The following WBP2NL variants were observed in gnomAD, a reference collection of about 807,000 sequenced individuals.
WBP2NL encodes postacrosomal sheath WW domain-binding protein.
A neutral mutation model predicts 23.3 loss-of-function variants in WBP2NL; 27 were observed. The ratio of observed to expected loss-of-function variants is 1.16; its 90% CI spans 0.85 to 1.60. The LOEUF is 1.60. Ranked by LOEUF, WBP2NL falls within the 40% of genes most tolerant of loss-of-function variation. The probability of loss-of-function intolerance (pLI) is 0.00; values close to 1 mark genes in which losing one functional copy is unlikely to be tolerated. For missense variants in WBP2NL, 370 were observed against 389.5 expected, an observed-to-expected ratio of 0.95 and a Z score of 0.42; for synonymous variants, 151 against 145.9, an observed-to-expected ratio of 1.03 and a Z score of -0.25.
intron 2 of WBP2NL, 99 bp from the exon 3 acceptor site, chr22:42,019,560 AGAT>A: frequency 6.5e-7 from 1 of 1,547,560 alleles, no homozygotes. Flanking sequence ...GTGGAAGAAA[AGAT>A]GATGTTTCTC....
In WBP2NL at chr22:42,049,695, C is replaced by CAAAAAAAAAA. The variant is rs1569455101; in HGVS notation, c.*274-8591_*274-8590insAAAAAAAAAA. Among the ~76,000 whole-genome samples the CAAAAAAAAAA allele has an allele frequency of 2.6e-4, 6 of 22,874 alleles. 1 individual carries two copies. The highest frequency in any genetic ancestry group is 1.1e-3 in the African/African-American group (5 of 4,556). 15.0% of individuals were successfully genotyped at this position (22,874 alleles called of 152,430 possible). The stretch of plus-strand genomic sequence containing the variant: ...ACAGAGCGAGACTCCGTCTCCAAAA[C>CAAAAAAAAAA]AAAACAAAACAAAAAAAAAAAAAAA... On this transcript the variant is annotated intron_variant and NMD_transcript_variant, in intron 8 of 8. Transcript: ENST00000436265.
chr22:42,021,689 G>T (rs1259105449), intron 4 of WBP2NL, among the ~76,000 whole-genome samples: 1 of 152,040 alleles, frequency 6.6e-6, no homozygotes, highest in African/African-American at 2.4e-5. Context: ...ATGATTAGGT[G>T]CTATGCTAGG....
intron 8 of WBP2NL, among the ~76,000 whole-genome samples, chr22:42,051,612 A>G (rs1268613792): frequency 6.6e-6 from 1 of 152,202 alleles, no homozygotes; most frequent in African/African-American, 2.4e-5. Context: ...GAGAGGGTAT[A>G]TGGGAACTCT....
intron 1 of WBP2NL, among the ~76,000 whole-genome samples, chr22:42,000,865 G>A (rs546305131): frequency 1.3e-5 from 2 of 152,066 alleles, no homozygotes; most frequent in African/African-American, 2.4e-5. Flanking sequence ...AACCCAAAAG[G>A]TGAATCACCC....
chr22:42,020,018 C>G lies in WBP2NL; in HGVS notation c.328C>G (p.Gln110Glu), dbSNP rs1490063237. 9 of 1,613,962 alleles carry G rather than the reference C, an allele frequency of 5.6e-6. No individual in the cohort carries two copies. Among genetic ancestry groups the G allele is most frequent in the South Asian group, 1.1e-5 (1 of 90,990 alleles). Residue 110 changes from glutamine (Q) to glutamate (E), a missense_variant, in exon 4 of 6, where the codon CAA becomes GAA. By Grantham distance (29) the Gln-to-Glu change is conservative (BLOSUM62 2). Transcript: ENST00000328823. Reference sequence around the variant, plus strand: ...TCTTCCCCCAGGTGGCTGGGAAGGACAAGCTACTTTTAAATTAGTCTTCAG... The same window carrying G: ...TCTTCCCCCAGGTGGCTGGGAAGGAGAAGCTACTTTTAAATTAGTCTTCAG... ...QAAPYGGWEGQATFKLVFRNG... is the reference protein window; with the variant it reads ...QAAPYGGWEGEATFKLVFRNG...
chr22:42,032,542 G>C, downstream of WBP2NL: 1 of 256,776 alleles, frequency 3.9e-6, no homozygotes, highest in South Asian at 4.4e-5. Context: ...CTAGCACTTG[G>C]TTGCTTGCTT....
chr22:42,057,568 TGAA>T (rs1926089423), intron 8 of WBP2NL, among the ~76,000 whole-genome samples: 1 of 151,468 alleles, frequency 6.6e-6, no homozygotes, highest in Non-Finnish European at 1.5e-5. Context: ...TTTTTTCAGT[TGAA>T]GTTTTCTGGG....
At chr22:42,015,846 T>G (rs998995699) in intron 1 of WBP2NL, among the ~76,000 whole-genome samples, 12 of 152,232 alleles carry the variant, frequency 7.9e-5, no homozygotes, top group Non-Finnish European at 2.9e-5. Context: ...CTCAGGAATA[T>G]GTGTGAGCTT....
chr22:42,056,635 C>A (rs1926042048), intron 8 of WBP2NL, among the ~76,000 whole-genome samples: 1 of 152,070 alleles, frequency 6.6e-6, no homozygotes, highest in Non-Finnish European at 1.5e-5. Context: ...GATAGTTTGG[C>A]CAAATAACAA....
chr22:42,013,881 C>T (rs113916342), intron 1 of WBP2NL, among the ~76,000 whole-genome samples: 18 of 151,812 alleles, frequency 1.2e-4, no homozygotes, highest in African/African-American at 3.9e-4. Flanking sequence ...CCTGGGTTCA[C>T]GCAATTCTCC....
At chr22:41,999,439 T>C (rs954602342) in intron 1 of WBP2NL, among the ~76,000 whole-genome samples, 5 of 152,192 alleles carry the variant, frequency 3.3e-5, no homozygotes, top group African/African-American at 1.2e-4. Context: ...TCTAAAGCCA[T>C]GTTTCCTCCT....
chr22:42,014,260 C>T (rs1213443058), intron 1 of WBP2NL, among the ~76,000 whole-genome samples: 1 of 152,038 alleles, frequency 6.6e-6, no homozygotes, highest in Non-Finnish European at 1.5e-5. Context: ...GGGTCTCCCT[C>T]TGTCACCCAG....
chr22:42,027,844 A>ATAAC lies in WBP2NL; in HGVS notation c.*666_*669dup. 2.5e-6 allele frequency: 1 copy of ATAAC among 397,704 alleles called. No homozygotes were observed. Among genetic ancestry groups the ATAAC allele is most frequent in the Non-Finnish European group, 4.4e-6 (1 of 225,852 alleles). The allele number at this position is 397,704 out of a possible 1,614,324, so 24.6% of individuals were successfully genotyped here. On this transcript the variant is annotated 3_prime_UTR_variant, in exon 6 of 6. Transcript: ENST00000328823. ...ATTAATTTATAGTCAGAATACGTGA[A>ATAAC]TAACTACAAATCAATTCTCCCCAAA...
At chr22:42,043,206 C>A (rs1480333244) in intron 8 of WBP2NL, among the ~76,000 whole-genome samples, 1 of 152,022 alleles carries the variant, frequency 6.6e-6, no homozygotes, top group South Asian at 2.1e-4. Flanking sequence ...GTTCATGGAG[C>A]AGTACAGTGT....
At chr22:42,029,081 C>T (rs17002810), downstream of WBP2NL, among the ~76,000 whole-genome samples, 11,284 of 152,220 alleles carry the variant, frequency 0.074, 1,443 homozygotes, top group African/African-American at 0.26. Flanking sequence ...TCTGGCAAGG[C>T]AGGCAAAGTT....
chr22:42,054,195 A>ATTT (rs1367640306), intron 8 of WBP2NL, among the ~76,000 whole-genome samples: 3 of 150,148 alleles, frequency 2.0e-5, no homozygotes, highest in Non-Finnish European at 4.5e-5. Flanking sequence ...TAAAAAAAAA[A>ATTT]TTTTTTTTTT....
Position 42,026,936 on chromosome 22 carries a change from G to C in WBP2NL, c.685G>C (p.Ala229Pro), listed in dbSNP as rs1203408858. ...ACCTCTTGGATACGGAGCCCCACCTGCAGGATATGGAGCCCCACCTCTAGG... is the reference window on the plus strand; with the variant it reads ...ACCTCTTGGATACGGAGCCCCACCTCCAGGATATGGAGCCCCACCTCTAGG... ...APPLGYGAPP[A>P]GYGAPPLGYG... The change falls in exon 6 of 6, where the codon GCA becomes CCA. Residue 229 changes from alanine (A) to proline (P), a missense_variant. Coordinates refer to ENST00000328823, the MANE Select transcript of WBP2NL (RefSeq NM_152613.3). The C allele has an allele frequency of 1.9e-6, 3 of 1,611,446 alleles. No homozygotes were observed. The highest frequency in any genetic ancestry group is 3.3e-5 in the Admixed American group (2 of 59,754).
In WBP2NL at chr22:42,022,326, A is replaced by G. The variant is rs1183530985; in HGVS notation, c.484A>G (p.Asn162Asp). The G allele has an allele frequency of 1.2e-6, 2 of 1,613,910 alleles. No individual in the cohort carries two copies. Among genetic ancestry groups the G allele is most frequent in the African/African-American group, 2.7e-5 (2 of 74,930 alleles). Reference sequence around the variant, plus strand: ...AATTTATGTAATTACTGGGGAAGGGAATATGTGCACTCCACAGATGCCTTG... The same window carrying G: ...AATTTATGTAATTACTGGGGAAGGGGATATGTGCACTCCACAGATGCCTTG... ...MGIYVITGEG[N>D]MCTPQMPCSV... Residue 162 changes from asparagine (N) to aspartate (D), a missense_variant, in exon 5 of 6, where the codon AAT (asparagine) becomes GAT (aspartate). Physicochemically the swap from Asn to Asp is conservative, Grantham distance 23. Transcript: ENST00000328823.
chr22:42,036,811 T>TA (rs1307494676), downstream of WBP2NL, among the ~76,000 whole-genome samples: 3 of 152,200 alleles, frequency 2.0e-5, no homozygotes, highest in African/African-American at 7.2e-5. Context: ...ATGAGTTCCT[T>TA]ATATATTTTG....
Sources: gnomAD v4.1 joint callset for allele counts (sites outside exome capture counted in the v4.1 genomes callset) on GRCh38, gnomAD v4.1.1 for gene constraint, MANE v1.5 for transcripts, NCBI Gene and HGNC (gene_info 2026-07-23, HGNC 2026-07-21) for gene names.